KCNIP4: variants seen among roughly 807,000 people sequenced by gnomAD.
KCNIP4 encodes Kv channel-interacting protein 4.
KCNIP4 carries 12 observed loss-of-function variants against 34.0 expected under a neutral mutation model. The ratio of observed to expected loss-of-function variants is 0.35; its 90% CI spans 0.23 to 0.57. The LOEUF (loss-of-function observed/expected upper bound fraction) is 0.57, where lower values mean the gene tolerates loss of function less well. Among genes scored for constraint, KCNIP4 ranks in the 20% least tolerant of loss-of-function variants. The pLI, the probability that KCNIP4 is intolerant of heterozygous loss-of-function variation, is 0.83. For synonymous variants in KCNIP4, 124 were observed against 102.2 expected (o/e 1.21, Z -1.29); for missense variants, 238 against 311.7 (o/e 0.76, Z 1.78).
chr4:21,942,289 C>G (rs763609303), intron 1 of KCNIP4, among the ~76,000 whole-genome samples: 22 of 152,136 alleles, frequency 1.4e-4, no homozygotes, highest in Admixed American at 2.6e-4. Context: ...TAGGCATTCA[C>G]TCACTGAGGG....
intron 1 of KCNIP4, among the ~76,000 whole-genome samples, chr4:21,790,296 C>G (rs566604270): frequency 1.3e-5 from 2 of 152,228 alleles, no homozygotes; most frequent in South Asian, 4.1e-4. Flanking sequence ...AAAACAATTT[C>G]GAAATTACTT....
At chr4:20,965,803 C>T (rs370910748) in intron 1 of KCNIP4, among the ~76,000 whole-genome samples, 2 of 152,112 alleles carry the variant, frequency 1.3e-5, no homozygotes, top group African/African-American at 4.8e-5. Context: ...AAATGCTGAG[C>T]TATATGTTAG....
chr4:20,849,097 T>C (rs1268887385), intron 3 of KCNIP4, among the ~76,000 whole-genome samples: 1 of 152,168 alleles, frequency 6.6e-6, no homozygotes, highest in African/African-American at 2.4e-5. Context: ...TCAAAACCCT[T>C]TTCCCTTTAT....
chr4:21,333,321 T>C (rs551196377), intron 1 of KCNIP4, among the ~76,000 whole-genome samples: 1 of 151,934 alleles, frequency 6.6e-6, no homozygotes, highest in East Asian at 1.9e-4. Context: ...CAGTATGGAG[T>C]AAAGCATCTA....
intron 1 of KCNIP4, among the ~76,000 whole-genome samples, chr4:21,498,806 T>C (rs1314853254): frequency 2.6e-5 from 4 of 151,762 alleles, no homozygotes; most frequent in Non-Finnish European, 1.5e-5. Flanking sequence ...ACAATAGAGG[T>C]GGGTGTTGGA....
rs1753953267 is a variant in KCNIP4, at chr4:21,170,586, C to T, written c.62-287877G>A. On this transcript the variant is annotated intron_variant, in intron 1 of 8. Transcript: ENST00000382152. ...ATTTTAAAGAACAAAGAGGCCAAAA[C>T]AAGCAATATCATAATAAATGTAGCA... is the stretch of plus-strand genomic sequence containing the variant. Among the ~76,000 whole-genome samples, 3 of 152,070 alleles carry T rather than the reference C, an allele frequency of 2.0e-5. No individual in the cohort carries two copies. The South Asian group carries it at 6.2e-4, about 32-fold the overall frequency.
intron 3 of KCNIP4, among the ~76,000 whole-genome samples, chr4:20,763,992 T>A (rs1284391045): frequency 6.6e-6 from 1 of 152,206 alleles, no homozygotes; most frequent in East Asian, 1.9e-4. Context: ...GCATGAATTT[T>A]TTCATTAGAT....
intron 1 of KCNIP4, among the ~76,000 whole-genome samples, chr4:21,442,608 G>A (rs1727588033): frequency 6.6e-6 from 1 of 152,074 alleles, no homozygotes; most frequent in Non-Finnish European, 1.5e-5. Flanking sequence ...TGCTTCTTTA[G>A]CTTCTAGCAC....
intron 1 of KCNIP4, among the ~76,000 whole-genome samples, chr4:21,262,099 G>A (rs35921744): frequency 0.29 from 43,886 of 151,984 alleles, 6,587 homozygotes; most frequent in South Asian, 0.33. Context: ...TATTTTAAAC[G>A]CATGCTCTTT....
chr4:21,350,253 G>A (rs1444995906), intron 1 of KCNIP4, among the ~76,000 whole-genome samples: 1 of 152,054 alleles, frequency 6.6e-6, no homozygotes, highest in Non-Finnish European at 1.5e-5. Context: ...CTATCATTCA[G>A]CAACGTCTTT....
intron 1 of KCNIP4, among the ~76,000 whole-genome samples, chr4:21,522,604 C>T (rs1290857826): frequency 6.6e-6 from 1 of 152,012 alleles, no homozygotes; most frequent in African/African-American, 2.4e-5. Context: ...GCAAACTGCT[C>T]CTCAAATGCT....
chr4:21,794,254 C>A (rs9991759), intron 1 of KCNIP4, among the ~76,000 whole-genome samples: 16,006 of 151,296 alleles, frequency 0.11, 2,870 homozygotes, highest in African/African-American at 0.37. Flanking sequence ...CACATGTACC[C>A]CAAAACTTAA....
At chr4:21,830,630 T>C (rs1048682827) in intron 1 of KCNIP4, among the ~76,000 whole-genome samples, 1 of 152,168 alleles carries the variant, frequency 6.6e-6, no homozygotes, top group South Asian at 2.1e-4. Flanking sequence ...ACCAAGATCA[T>C]GCCACTACAC....
At chr4:21,833,140 G>A (rs1263775217) in intron 1 of KCNIP4, among the ~76,000 whole-genome samples, 1 of 151,260 alleles carries the variant, frequency 6.6e-6, no homozygotes, top group Non-Finnish European at 1.5e-5. Context: ...GGTATTTCTA[G>A]TTCTAGATCC....
chr4:21,613,450 T>C lies in KCNIP4; in HGVS notation c.61+335121A>G, dbSNP rs185995400. 7 of 152,302 alleles carry C rather than the reference T, an allele frequency of 4.6e-5. 1 individual carries two copies. Among genetic ancestry groups the C allele is most frequent in the Admixed American group, 4.6e-4 (7 of 15,286 alleles). 9.4% of individuals were successfully genotyped at this position (152,302 alleles called of 1,614,324 possible). On this transcript the variant is annotated intron_variant, in intron 1 of 8. Transcript: ENST00000382152. Reference sequence around the variant, plus strand: ...CAACTGGCCATATAAATGAACTACCTTGATCATGAATGCAGACTCTCTAAA... The same window carrying C: ...CAACTGGCCATATAAATGAACTACCCTGATCATGAATGCAGACTCTCTAAA...
chr4:21,747,745 G>T (rs1716869504), intron 1 of KCNIP4, among the ~76,000 whole-genome samples: 1 of 152,032 alleles, frequency 6.6e-6, no homozygotes, highest in Non-Finnish European at 1.5e-5. Flanking sequence ...GAGTTGCATA[G>T]TGTCTCACCA....
chr4:21,804,070 T>G (rs1479100767), intron 1 of KCNIP4, among the ~76,000 whole-genome samples: 4 of 152,192 alleles, frequency 2.6e-5, no homozygotes, highest in Non-Finnish European at 5.9e-5. Context: ...GTTAGAAGAT[T>G]TTGTGGAAGA....
intron 1 of KCNIP4, among the ~76,000 whole-genome samples, chr4:21,539,999 CA>C (rs56948957): frequency 0.31 from 36,023 of 114,590 alleles, 4,849 homozygotes; most frequent in Middle Eastern, 0.47. Context: ...AACAAACAGA[CA>C]AAAAAAAAAA....
At chr4:20,972,463 T>C (rs1347894818) in intron 1 of KCNIP4, among the ~76,000 whole-genome samples, 1 of 152,140 alleles carries the variant, frequency 6.6e-6, no homozygotes, top group African/African-American at 2.4e-5. Context: ...ACATCTCCAT[T>C]AGAACTCCTG....
Sources: allele counts gnomAD v4.1 joint callset (sites outside exome capture counted in the v4.1 genomes callset), GRCh38; gene constraint gnomAD v4.1.1; transcripts MANE v1.5; gene names NCBI Gene and HGNC (gene_info 2026-07-23, HGNC 2026-07-21).